The following C11orf58 variants were observed in gnomAD, a reference collection of about 807,000 sequenced individuals.
The protein encoded by C11orf58 is small acidic protein.
A neutral mutation model predicts 22.7 loss-of-function variants in C11orf58; 5 were observed. The ratio of observed to expected loss-of-function variants is 0.22; its 90% CI spans 0.12 to 0.46. The LOEUF (loss-of-function observed/expected upper bound fraction) is 0.46. C11orf58 is among the 20% of genes least tolerant of loss of function. The pLI is 0.99. For synonymous variants in C11orf58, 71 were observed against 70.7 expected (o/e 1.00, Z -0.02); for missense variants, 151 against 223.3 (o/e 0.68, Z 2.06).
At position 16,755,211 on chromosome 11, in the gene C11orf58, C is replaced by A. The variant is rs1003079765; in HGVS notation, c.*107C>A. Reference sequence around the variant, plus strand: ...CTTTGTATTATAATTTTTAAAAAGGCCCTTTTAAATAATTACAAAGAGTGT... The same window carrying A: ...CTTTGTATTATAATTTTTAAAAAGGACCTTTTAAATAATTACAAAGAGTGT... On this transcript the variant is annotated 3_prime_UTR_variant, in exon 5 of 5. Coordinates refer to ENST00000228136, the MANE Select transcript of C11orf58 (RefSeq NM_014267.6). The A allele has an allele frequency of 1.7e-4, 222 of 1,297,234 alleles. No individual in the cohort carries two copies. The highest frequency in any genetic ancestry group is 2.3e-4 in the Non-Finnish European group (217 of 947,712). 80.4% of individuals were successfully genotyped at this position (1,297,234 alleles called of 1,614,324 possible). A position where few individuals can be genotyped will look rare whatever the true frequency, so the allele number is the denominator to read the frequency against.
At position 16,738,682 on chromosome 11, in the gene C11orf58, G is replaced by T. The variant is rs1057412481; in HGVS notation, c.-97G>T. 2.2e-6 allele frequency: 3 copies of T among 1,364,454 alleles called. No homozygotes were observed. Among genetic ancestry groups the T allele is most frequent in the South Asian group, 1.2e-5 (1 of 85,832 alleles). 84.5% of individuals were successfully genotyped at this position (1,364,454 alleles called of 1,614,324 possible). ...CGGAGGGGCTCTGCGTTCTGTAGTG[G>T]CGCTGCTTGGGCCCTTGGCGGATTG... On this transcript the variant is annotated 5_prime_UTR_variant, in exon 1 of 5. Coordinates refer to ENST00000228136, the MANE Select transcript of C11orf58 (RefSeq NM_014267.6).
chr11:16,741,094 T>TAAAA (rs10634210), intron 1 of C11orf58, among the ~76,000 whole-genome samples: 1 of 139,106 alleles, frequency 7.2e-6, no homozygotes, highest in African/African-American at 2.7e-5. Context: ...AGACTCTGTT[T>TAAAA]AAAAAAAAAA....
At chr11:16,754,309 C>T (rs748227489) in intron 4 of C11orf58, among the ~76,000 whole-genome samples, 1 of 151,476 alleles carries the variant, frequency 6.6e-6, no homozygotes, top group Non-Finnish European at 1.5e-5. Flanking sequence ...GGTGTGTGAT[C>T]TTCAGAGCAC....
At chr11:16,748,221 G>A in intron 3 of C11orf58, 64 bp downstream of exon 3, 1 of 1,336,900 alleles carries the variant, frequency 7.5e-7, no homozygotes, top group Non-Finnish European at 1.1e-6. Flanking sequence ...ATGTGTTCAT[G>A]TTTCAGGATA....
chr11:16,741,793 T>C (rs1286370895), intron 1 of C11orf58, among the ~76,000 whole-genome samples: 1 of 152,240 alleles, frequency 6.6e-6, no homozygotes, highest in Admixed American at 6.5e-5. Context: ...AGATGATCTG[T>C]CATTGTCTCC....
chr11:16,738,703 G>C lies in C11orf58; in HGVS notation c.-76G>C. The C allele has an allele frequency of 6.6e-7, 1 of 1,523,244 alleles. No homozygotes were observed. The highest frequency in any genetic ancestry group is 9.1e-7 in the Non-Finnish European group (1 of 1,099,228). The allele number at this position is 1,523,244 out of a possible 1,614,324, so 94.4% of individuals were successfully genotyped here. On this transcript the variant is annotated 5_prime_UTR_variant, in exon 1 of 5. Transcript: ENST00000228136. ...AGTGGCGCTGCTTGGGCCCTTGGCG[G>C]ATTGTAAGCTGCTGGTTTTGCGGCT...
At chr11:16,741,041 A>C (rs577838736) in intron 1 of C11orf58, among the ~76,000 whole-genome samples, 2 of 150,910 alleles carry the variant, frequency 1.3e-5, no homozygotes, top group East Asian at 4.0e-4. Flanking sequence ...GCTTGCAGTG[A>C]GCCAAGATGG....
chr11:16,753,039 C>A, intron 4 of C11orf58, 145 bp downstream of exon 4: 1 of 586,358 alleles, frequency 1.7e-6, no homozygotes, highest in Non-Finnish European at 2.9e-6. Flanking sequence ...TGTATATGCC[C>A]TACTGGTCTT....
rs1018652534 is a variant in C11orf58, at chr11:16,753,855, T to C, written c.318+961T>C. ...CCTGGGATATAGGCCTGCACCACCA[T>C]GCCTAGCTAATTTTTGTATTTTTTG... On this transcript the variant is annotated intron_variant, in intron 4 of 4. Coordinates refer to ENST00000228136, the MANE Select transcript of C11orf58 (RefSeq NM_014267.6). The C allele has an allele frequency of 5.8e-5, 28 of 481,210 alleles. 1 individual carries two copies. Among genetic ancestry groups the C allele is most frequent in the East Asian group, 1.7e-4 (5 of 29,560 alleles). 29.8% of individuals were successfully genotyped at this position (481,210 alleles called of 1,614,324 possible). A position where few individuals can be genotyped will look rare whatever the true frequency, so the allele number is the denominator to read the frequency against.
chr11:16,753,684 A>T (rs1179494418), intron 4 of C11orf58, among the ~76,000 whole-genome samples: 1 of 151,880 alleles, frequency 6.6e-6, no homozygotes, highest in Admixed American at 6.6e-5. Context: ...GTTTCTAAGG[A>T]TTTTAAAGTG....
chr11:16,747,417 C>T (rs1180134592), intron 2 of C11orf58: 1 of 152,126 alleles, frequency 6.6e-6, no homozygotes, highest in East Asian at 1.9e-4. Flanking sequence ...ACTTATGAAA[C>T]TAAATATGAA....
rs920478794 is a variant in C11orf58, at chr11:16,739,817, T to C, written c.63+976T>C. 3.3e-5 allele frequency among the ~76,000 whole-genome samples: 5 copies of C among 152,134 alleles called. No individual in the cohort carries two copies. In the East Asian group the frequency reaches 7.7e-4, roughly 23 times the overall value. ...TCGGTTTTGTTTAAAGTACTGTCAA[T>C]TTCTGAATACATAGAGCTTTAAATT... is the stretch of plus-strand genomic sequence containing the variant. On this transcript the variant is annotated intron_variant, in intron 1 of 4. Coordinates refer to ENST00000228136, the MANE Select transcript of C11orf58 (RefSeq NM_014267.6).
intron 4 of C11orf58, among the ~76,000 whole-genome samples, chr11:16,754,496 A>C (rs1018715368): frequency 5.6e-5 from 6 of 106,608 alleles, no homozygotes; most frequent in Non-Finnish European, 1.1e-4. Flanking sequence ...ATGCCTGGCT[A>C]ATTTTTTTCT....
intron 4 of C11orf58, among the ~76,000 whole-genome samples, chr11:16,754,630 T>C (rs1848560976): frequency 7.7e-6 from 1 of 129,730 alleles, no homozygotes; most frequent in South Asian, 2.7e-4. Context: ...TCTCAAACTT[T>C]GGGCCTCAAG....
chr11:16,741,987 A>C (rs1848451988), intron 1 of C11orf58, among the ~76,000 whole-genome samples: 1 of 152,186 alleles, frequency 6.6e-6, no homozygotes, highest in Non-Finnish European at 1.5e-5. Context: ...CCTCCCTCTC[A>C]GTGGAAAAAT....
intron 2 of C11orf58, 148 bp downstream of exon 2, chr11:16,744,832 A>G: frequency 1.5e-6 from 1 of 664,596 alleles, no homozygotes; most frequent in Non-Finnish European, 2.5e-6. Flanking sequence ...ATGTGGCCTA[A>G]CCAAGCACAT....
chr11:16,752,940 T>C (rs754385183), intron 4 of C11orf58, 46 bp downstream of exon 4: 4 of 1,440,804 alleles, frequency 2.8e-6, no homozygotes, highest in Non-Finnish European at 3.9e-6. Context: ...AGTTTTCAAT[T>C]TGGTACCATT....
At chr11:16,747,315 G>A (rs572536635) in intron 2 of C11orf58, 28 of 152,240 alleles carry the variant, frequency 1.8e-4, no homozygotes, top group South Asian at 6.2e-4. Flanking sequence ...TTCACAATAG[G>A]AAGGTTTGTT....
intron 4 of C11orf58, chr11:16,753,818 G>T: frequency 2.4e-6 from 1 of 408,178 alleles, no homozygotes; most frequent in Non-Finnish European, 4.3e-6. Flanking sequence ...TGCCACCTTA[G>T]CCTCCTGAGG....
Sources: allele counts gnomAD v4.1 joint callset (sites outside exome capture counted in the v4.1 genomes callset), GRCh38; gene constraint gnomAD v4.1.1; transcripts MANE v1.5; gene names NCBI Gene and HGNC (gene_info 2026-07-23, HGNC 2026-07-21).